ANK3: variants seen among roughly 807,000 people sequenced by gnomAD.
The protein encoded by ANK3 is ankyrin 3, also known as ankyrin-3.
A neutral mutation model predicts 370.9 loss-of-function variants in ANK3; 57 were observed. That is an observed-to-expected ratio of 0.15 (90% CI 0.12 to 0.19). ANK3 has a LOEUF of 0.19. Among genes scored for constraint, ANK3 ranks in the 10% least tolerant of loss-of-function variants. The pLI is 1.00. For missense variants in ANK3, 4,439 were observed against 5,302.1 expected, an observed-to-expected ratio of 0.84 and a Z score of 5.06; for synonymous variants, 1,929 against 1,946.3, an observed-to-expected ratio of 0.99 and a Z score of 0.23.
intron 36 of ANK3, 144 bp from the exon 37 acceptor site, chr10:60,076,592 AG>A: frequency 9.1e-7 from 1 of 1,104,730 alleles, no homozygotes. Flanking sequence ...TTAGAATGGA[AG>A]AGGCAAAAGG....
intron 1 of ANK3, among the ~76,000 whole-genome samples, chr10:60,386,882 C>T (rs4948413): frequency 0.1 from 15,768 of 152,118 alleles, 1,181 homozygotes; most frequent in East Asian, 0.26. Flanking sequence ...GCTCCTGGCC[C>T]GGTGTGGTGG....
intron 7 of ANK3, among the ~76,000 whole-genome samples, chr10:60,244,587 T>C (rs2132576345): frequency 6.6e-6 from 1 of 152,324 alleles, no homozygotes; most frequent in Non-Finnish European, 1.5e-5. Context: ...AGTGTGTGAT[T>C]TACATTTAAA....
intron 28 of ANK3, among the ~76,000 whole-genome samples, chr10:60,096,381 T>A (rs1021563749): frequency 2.0e-5 from 3 of 152,216 alleles, no homozygotes; most frequent in African/African-American, 7.2e-5. Flanking sequence ...ATCCTTTGTT[T>A]TGTCCCATCC....
chr10:60,395,776 G>A (rs1241789478), intron 2 of ANK3, among the ~76,000 whole-genome samples: 1 of 152,006 alleles, frequency 6.6e-6, no homozygotes, highest in Non-Finnish European at 1.5e-5. Flanking sequence ...CAGCACCAGG[G>A]ACATATAGAG....
intron 2 of ANK3, among the ~76,000 whole-genome samples, chr10:60,429,142 G>A (rs895906162): frequency 6.6e-6 from 1 of 152,160 alleles, no homozygotes; most frequent in Non-Finnish European, 1.5e-5. Context: ...TCCAGAGCCT[G>A]CTGATATGAA....
upstream of ANK3, among the ~76,000 whole-genome samples, chr10:60,391,316 G>T (rs1235503708): frequency 6.6e-6 from 1 of 152,206 alleles, no homozygotes; most frequent in Non-Finnish European, 1.5e-5. Flanking sequence ...GTTCTGGAAA[G>T]TTTCTCCATT....
At chr10:60,648,535 CCGA>C (rs1483621153) in intron 1 of ANK3, among the ~76,000 whole-genome samples, 1 of 146,800 alleles carries the variant, frequency 6.8e-6, no homozygotes, top group Non-Finnish European at 1.5e-5. Flanking sequence ...CTTTGGGAGG[CCGA>C]CAAGGGTGGA....
intron 5 of ANK3, among the ~76,000 whole-genome samples, chr10:60,267,003 T>C (rs761150485): frequency 2.0e-4 from 30 of 152,238 alleles, no homozygotes; most frequent in Middle Eastern, 3.4e-3. Context: ...AGAAAAGATA[T>C]GAGATGCAGT....
chr10:60,234,151 T>C (rs1280720103), intron 8 of ANK3, among the ~76,000 whole-genome samples: 1 of 152,236 alleles, frequency 6.6e-6, no homozygotes, highest in East Asian at 1.9e-4. Context: ...CATGAACATT[T>C]GGGCTGCTTT....
chr10:60,237,693 G>A (rs116579309), intron 7 of ANK3, among the ~76,000 whole-genome samples: 1,870 of 152,030 alleles, frequency 0.012, 41 homozygotes, highest in African/African-American at 0.043. Flanking sequence ...AGGTATACAT[G>A]TGCCATGCTG....
At chr10:60,383,573 T>A (rs1381676973) in intron 1 of ANK3, among the ~76,000 whole-genome samples, 1 of 152,160 alleles carries the variant, frequency 6.6e-6, no homozygotes, top group African/African-American at 2.4e-5. Context: ...AGTAGATAAT[T>A]ACACCATCTC....
At chr10:60,470,447 G>A (rs1463540943) in intron 2 of ANK3, among the ~76,000 whole-genome samples, 3 of 123,022 alleles carry the variant, frequency 2.4e-5, no homozygotes, top group African/African-American at 9.2e-5. Flanking sequence ...GCGGTATTAT[G>A]TTTAAGCAAT....
chr10:60,126,846 C>T (rs752594645), intron 25 of ANK3, among the ~76,000 whole-genome samples: 2 of 152,132 alleles, frequency 1.3e-5, no homozygotes, highest in Non-Finnish European at 2.9e-5. Flanking sequence ...CTTTAAGATG[C>T]TAGACGTTTT....
intron 43 of ANK3, among the ~76,000 whole-genome samples, chr10:60,032,826 C>T (rs891493993): frequency 2.6e-5 from 4 of 152,134 alleles, no homozygotes; most frequent in Non-Finnish European, 2.9e-5. Context: ...CCCAACCACA[C>T]TGGGTACAGG....
intron 2 of ANK3, among the ~76,000 whole-genome samples, chr10:60,586,425 G>T (rs2077832489): frequency 6.6e-6 from 1 of 152,074 alleles, no homozygotes; most frequent in South Asian, 2.1e-4. Flanking sequence ...TTCCAAACGG[G>T]AGTTTTTTTG....
At chr10:60,675,923 T>C (rs2079119271) in intron 1 of ANK3, among the ~76,000 whole-genome samples, 1 of 151,884 alleles carries the variant, frequency 6.6e-6, no homozygotes. Context: ...GTTGAAATAT[T>C]GAGATAATTG....
At chr10:60,059,879 A>G in intron 40 of ANK3, 2 of 1,614,232 alleles carry the variant, frequency 1.2e-6, no homozygotes, top group Non-Finnish European at 8.5e-7. Flanking sequence ...CACTCAGTCT[A>G]CTAGGGGTTC....
chr10:60,481,388 A>G (rs542045310), intron 2 of ANK3, among the ~76,000 whole-genome samples: 4 of 152,248 alleles, frequency 2.6e-5, no homozygotes, highest in African/African-American at 7.2e-5. Context: ...AGCCAGCCTT[A>G]CATTCTGCTG....
chr10:60,493,497 T>C (rs557621938), intron 2 of ANK3, among the ~76,000 whole-genome samples: 2 of 152,288 alleles, frequency 1.3e-5, no homozygotes, highest in Non-Finnish European at 2.9e-5. Context: ...TGGTCATGGA[T>C]GACCCTTAGG....
Sources: allele counts gnomAD v4.1 joint callset (sites outside exome capture counted in the v4.1 genomes callset), GRCh38; gene constraint gnomAD v4.1.1; transcripts MANE v1.5; gene names NCBI Gene and HGNC (gene_info 2026-07-23, HGNC 2026-07-21).